ASIC2: variants seen among roughly 807,000 people sequenced by gnomAD.
The protein encoded by ASIC2 is acid-sensing ion channel 2.
ASIC2 carries 25 observed loss-of-function variants against 57.3 expected under a neutral mutation model. The observed-to-expected ratio is 0.44, with a 90% CI of 0.32 to 0.61. ASIC2 has a LOEUF of 0.61. Ranked by LOEUF, ASIC2 falls within the 20% of genes least tolerant of loss-of-function variation. ASIC2 has a pLI of 0.06. For synonymous variants in ASIC2, 319 were observed against 307.5 expected (o/e 1.04, Z -0.39); for missense variants, 641 against 738.1 (o/e 0.87, Z 1.52).
At chr17:33,333,946 A>G (rs950438927) in intron 1 of ASIC2, among the ~76,000 whole-genome samples, 2 of 152,260 alleles carry the variant, frequency 1.3e-5, no homozygotes, top group Non-Finnish European at 2.9e-5. Context: ...TTTGTGAGGA[A>G]GATGCCTCTT....
chr17:34,095,609 A>ATATATATATATATATATATAATTT (rs879492786), intron 1 of ASIC2, among the ~76,000 whole-genome samples: 8 of 112,618 alleles, frequency 7.1e-5, no homozygotes, highest in East Asian at 2.1e-4. Flanking sequence ...GGCAAATTTT[A>ATATATATATATATATATATAATTT]TATATATATA....
intron 1 of ASIC2, among the ~76,000 whole-genome samples, chr17:33,368,088 C>T (rs186208180): frequency 6.6e-6 from 1 of 152,280 alleles, no homozygotes; most frequent in Middle Eastern, 3.4e-3. Context: ...TGACACCTCT[C>T]CATTAAGAAG....
chr17:33,844,967 TG>T lies in ASIC2; in HGVS notation c.555+311010del, dbSNP rs534147991. On this transcript the variant is annotated intron_variant, in intron 1 of 9. Coordinates refer to the ASIC2 transcript ENST00000359872. Reference sequence around the variant, plus strand: ...ATGTTAAGTAACTTGGCTAACGCCATGTAGCCAATGTACAGTGAGGCCATGA... The same window carrying T: ...ATGTTAAGTAACTTGGCTAACGCCATTAGCCAATGTACAGTGAGGCCATGA... Among the ~76,000 whole-genome samples, 11 of 152,390 alleles carry T rather than the reference TG, an allele frequency of 7.2e-5. No individual in the cohort carries two copies. The East Asian group carries it at 2.1e-3, about 29-fold the overall frequency.
In ASIC2 at chr17:33,346,893, C is replaced by T. The variant is rs779929273; in HGVS notation, c.556-234826G>A. Among the ~76,000 whole-genome samples, 6 of 152,156 alleles carry T rather than the reference C, an allele frequency of 3.9e-5. No homozygotes were observed. In the South Asian group the frequency reaches 6.2e-4, roughly 16 times the overall value. Reference sequence around the variant, plus strand: ...ACCTGAAAGTCACCAAAGCCTAGAGCGGAAAGTGTTCCAGGAAAGAGCAAT... The same window carrying T: ...ACCTGAAAGTCACCAAAGCCTAGAGTGGAAAGTGTTCCAGGAAAGAGCAAT... On this transcript the variant is annotated intron_variant, in intron 1 of 9. Transcript: ENST00000359872.
At chr17:34,102,685 C>T (rs7225845) in intron 1 of ASIC2, among the ~76,000 whole-genome samples, 33,845 of 152,178 alleles carry the variant, frequency 0.22, 5,515 homozygotes, top group African/African-American at 0.46. Flanking sequence ...TAGTATCACA[C>T]TGCAGGAATA....
chr17:33,838,478 T>C (rs1381647430), intron 1 of ASIC2, among the ~76,000 whole-genome samples: 1 of 152,186 alleles, frequency 6.6e-6, no homozygotes, highest in Non-Finnish European at 1.5e-5. Flanking sequence ...AGATGACACA[T>C]TCTTAAAGCA....
intron 1 of ASIC2, among the ~76,000 whole-genome samples, chr17:34,066,333 C>G (rs1437136980): frequency 6.6e-6 from 1 of 152,198 alleles, no homozygotes; most frequent in Admixed American, 6.5e-5. Flanking sequence ...GCCTTAGGTA[C>G]ACATTAGAAC....
rs549843497 is a variant in ASIC2 at position 33,602,636 on chromosome 17, A to C, written c.556-490569T>G. ...CACCCATTCATAGGACAAGGCCCTC[A>C]ATGAGCTGCATCACCCACAAAAGAC... On this transcript the variant is annotated intron_variant, in intron 1 of 9. Coordinates refer to the ASIC2 transcript ENST00000359872. Among the ~76,000 whole-genome samples, 7 of 152,296 alleles carry C rather than the reference A, an allele frequency of 4.6e-5. 1 individual carries two copies. The highest frequency in any genetic ancestry group is 1.7e-4 in the African/African-American group (7 of 41,578).
chr17:33,464,490 TTC>T (rs1567620923), intron 1 of ASIC2, among the ~76,000 whole-genome samples: 2 of 38,492 alleles, frequency 5.2e-5, no homozygotes, highest in African/African-American at 2.4e-4. Flanking sequence ...CTCTCTTTCT[TTC>T]TTTCTTTCTT....
chr17:33,425,620 T>C, intron 1 of ASIC2, among the ~76,000 whole-genome samples: 1 of 151,666 alleles, frequency 6.6e-6, no homozygotes, highest in African/African-American at 2.4e-5. Context: ...GAAGGATGAG[T>C]AGGATTTGGA....
chr17:33,516,344 GTA>G (rs1567636680), intron 1 of ASIC2, among the ~76,000 whole-genome samples: 1 of 151,288 alleles, frequency 6.6e-6, no homozygotes, highest in African/African-American at 2.4e-5. Flanking sequence ...GTGTGTGTTT[GTA>G]TGTGTGTGTG....
intron 1 of ASIC2, among the ~76,000 whole-genome samples, chr17:33,145,231 T>A (rs972160206): frequency 6.6e-6 from 1 of 152,242 alleles, no homozygotes; most frequent in Admixed American, 6.5e-5. Context: ...TCTACCAGCT[T>A]CCAGCTCAGG....
chr17:33,828,925 T>C (rs926094501), intron 1 of ASIC2, among the ~76,000 whole-genome samples: 12 of 152,150 alleles, frequency 7.9e-5, no homozygotes, highest in Admixed American at 5.9e-4. Flanking sequence ...GGTCGTGTGA[T>C]GGATAAGTGA....
At chr17:34,073,923 GC>G (rs2142071009) in intron 1 of ASIC2, among the ~76,000 whole-genome samples, 1 of 152,248 alleles carries the variant, frequency 6.6e-6, no homozygotes, top group South Asian at 2.1e-4. Flanking sequence ...TGAAGAACAG[GC>G]CTCCTTCTGC....
chr17:33,102,498 T>C (rs1361662714), intron 2 of ASIC2, among the ~76,000 whole-genome samples: 1 of 152,222 alleles, frequency 6.6e-6, no homozygotes, highest in Non-Finnish European at 1.5e-5. Flanking sequence ...TGGTGAGCTT[T>C]TTCCATCTGG....
chr17:33,762,816 G>A (rs528962529), intron 1 of ASIC2, among the ~76,000 whole-genome samples: 62 of 152,338 alleles, frequency 4.1e-4, no homozygotes, highest in African/African-American at 1.5e-3. Context: ...TGTGAGGAGA[G>A]AAAAAGGTTG....
intron 1 of ASIC2, among the ~76,000 whole-genome samples, chr17:33,702,165 G>A (rs1353230941): frequency 6.6e-6 from 1 of 152,134 alleles, no homozygotes; most frequent in Non-Finnish European, 1.5e-5. Context: ...AAGCATACTC[G>A]CTTTGGTACT....
At chr17:34,102,741 G>C (rs896644854) in intron 1 of ASIC2, among the ~76,000 whole-genome samples, 1 of 152,176 alleles carries the variant, frequency 6.6e-6, no homozygotes, top group East Asian at 1.9e-4. Flanking sequence ...TATTGGGGCT[G>C]TTTCCAGTTC....
chr17:34,022,629 G>GAAAAAAAAAAA (rs796222459), intron 1 of ASIC2, among the ~76,000 whole-genome samples: 12 of 90,252 alleles, frequency 1.3e-4, no homozygotes, highest in African/African-American at 5.0e-4. Flanking sequence ...AATTTCCCAT[G>GAAAAAAAAAAA]AAAAAAAAAA....
Sources: gnomAD v4.1 joint callset for allele counts (sites outside exome capture counted in the v4.1 genomes callset) on GRCh38, gnomAD v4.1.1 for gene constraint, MANE v1.5 for transcripts, NCBI Gene and HGNC (gene_info 2026-07-23, HGNC 2026-07-21) for gene names.